UVRAG: variants seen among roughly 807,000 people sequenced by gnomAD.
UVRAG encodes the protein UV radiation resistance associated.
UVRAG carries 19 observed loss-of-function variants against 78.0 expected under a neutral mutation model. That is an observed-to-expected ratio of 0.24 (90% CI 0.17 to 0.36). The LOEUF is 0.36. UVRAG is among the 10% of genes least tolerant of loss of function. UVRAG has a pLI of 1.00. For synonymous variants in UVRAG, 323 were observed against 324.6 expected (o/e 1.00, Z 0.05); for missense variants, 740 against 853.8 (o/e 0.87, Z 1.66).
chr11:76,111,932 GAAAAAAAAAATCCAGAGGGTAAAGTGA>G (rs1952075203), intron 13 of UVRAG, among the ~76,000 whole-genome samples: 2 of 127,050 alleles, frequency 1.6e-5, no homozygotes, highest in Non-Finnish European at 3.4e-5. Flanking sequence ...AAAATAAAGT[GAAAAAAAAAATCCAGAGGGTAAAGTGA>G]AAAAAAAAAA....
chr11:75,900,587 CT>C (rs1947471634), intron 5 of UVRAG, among the ~76,000 whole-genome samples: 1 of 152,162 alleles, frequency 6.6e-6, no homozygotes, highest in Non-Finnish European at 1.5e-5. Flanking sequence ...TGAATGAAGT[CT>C]ACTAGGATCA....
intron 12 of UVRAG, among the ~76,000 whole-genome samples, chr11:76,041,224 G>A (rs1950643489): frequency 1.3e-5 from 2 of 152,246 alleles, no homozygotes; most frequent in Admixed American, 6.5e-5. Context: ...GGACAAGATC[G>A]TACGCAATTG....
intron 12 of UVRAG, among the ~76,000 whole-genome samples, chr11:76,053,483 C>T (rs529066614): frequency 6.6e-6 from 1 of 152,012 alleles, no homozygotes; most frequent in Non-Finnish European, 1.5e-5. Context: ...ACAATCAATC[C>T]ATCACAAAAT....
intron 1 of UVRAG, among the ~76,000 whole-genome samples, chr11:75,817,931 A>C (rs1280793519): frequency 6.6e-6 from 1 of 151,218 alleles, no homozygotes; most frequent in South Asian, 2.1e-4. Context: ...GTGGTGGCGC[A>C]CATTTGTAAT....
chr11:76,074,055 A>G (rs531081372), intron 13 of UVRAG, among the ~76,000 whole-genome samples: 1 of 152,330 alleles, frequency 6.6e-6, no homozygotes, highest in East Asian at 1.9e-4. Flanking sequence ...TTCATTAAAA[A>G]TATTATTTAT....
chr11:76,098,037 G>A (rs948291341), intron 13 of UVRAG, among the ~76,000 whole-genome samples: 13 of 151,146 alleles, frequency 8.6e-5, no homozygotes, highest in Admixed American at 4.0e-4. Flanking sequence ...CGTTCATCTC[G>A]GATGGTTTTT....
intron 13 of UVRAG, among the ~76,000 whole-genome samples, chr11:76,083,559 TAGA>T (rs1302619343): frequency 6.6e-6 from 1 of 152,154 alleles, no homozygotes; most frequent in African/African-American, 2.4e-5. Flanking sequence ...AAAGCCTAAT[TAGA>T]AGAGAAAGTG....
intron 5 of UVRAG, among the ~76,000 whole-genome samples, chr11:75,910,894 A>G (rs920484106): frequency 6.6e-6 from 1 of 152,114 alleles, no homozygotes; most frequent in Non-Finnish European, 1.5e-5. Context: ...CCTTTTCCCC[A>G]TAAAAACATT....
chr11:76,101,928 A>G (rs191949680), intron 13 of UVRAG, among the ~76,000 whole-genome samples: 4 of 152,222 alleles, frequency 2.6e-5, no homozygotes, highest in Non-Finnish European at 4.4e-5. Context: ...ATTCTATTCC[A>G]TTGGTCTATG....
chr11:76,017,819 A>G lies in UVRAG; in HGVS notation c.1226+839A>G, dbSNP rs567078686. Among the ~76,000 whole-genome samples the G allele has an allele frequency of 3.3e-5, 5 of 152,308 alleles. No homozygotes were observed. In the East Asian group the frequency reaches 5.8e-4, roughly 18 times the overall value. On this transcript the variant is annotated intron_variant, in intron 12 of 14. Transcript: ENST00000356136. ...ATTATTCAAAAGTACAGGCAAAATAAAGATATTTCAGACCATCAAAACTGA... is the reference window on the plus strand; with the variant it reads ...ATTATTCAAAAGTACAGGCAAAATAGAGATATTTCAGACCATCAAAACTGA...
In UVRAG at chr11:76,081,938, C is replaced by CAAAA. The variant is rs775703377; in HGVS notation, c.1305+16164_1305+16167dup. 7.6e-3 allele frequency among the ~76,000 whole-genome samples: 532 copies of CAAAA among 69,644 alleles called. 6 individuals are homozygous for CAAAA. The highest frequency in any genetic ancestry group is 0.021 in the African/African-American group (510 of 24,444). The allele number at this position is 69,644 out of a possible 152,430, so 45.7% of individuals were successfully genotyped here. On this transcript the variant is annotated intron_variant, in intron 13 of 14. Transcript: ENST00000356136. ...ATGATGTAGAGTAAAAGAACCAAAG[C>CAAAA]AAAAAAAAAAAAAAAAATCCACAAT...
intron 11 of UVRAG, among the ~76,000 whole-genome samples, chr11:76,012,748 G>A (rs1452453416): frequency 6.6e-6 from 1 of 151,346 alleles, no homozygotes; most frequent in Admixed American, 6.6e-5. Context: ...AGTGAAGGGT[G>A]TTCATCTGAG....
chr11:75,919,525 T>C (rs1010867830), intron 6 of UVRAG, among the ~76,000 whole-genome samples: 1 of 152,212 alleles, frequency 6.6e-6, no homozygotes, highest in African/African-American at 2.4e-5. Context: ...TAAATCATAT[T>C]AGCTACTGTC....
chr11:75,853,006 A>G (rs1946190432), intron 2 of UVRAG, among the ~76,000 whole-genome samples: 1 of 152,030 alleles, frequency 6.6e-6, no homozygotes, highest in Admixed American at 6.6e-5. Flanking sequence ...GACCTCACAG[A>G]CTCAAATGAT....
intron 8 of UVRAG, among the ~76,000 whole-genome samples, chr11:75,988,397 C>T (rs1487171749): frequency 6.6e-6 from 1 of 152,196 alleles, no homozygotes; most frequent in Non-Finnish European, 1.5e-5. Context: ...CTCTTTTTCA[C>T]TTAGCATAGT....
intron 9 of UVRAG, among the ~76,000 whole-genome samples, chr11:76,005,139 C>T (rs1302738434): frequency 1.3e-5 from 2 of 152,078 alleles, no homozygotes; most frequent in African/African-American, 4.8e-5. Flanking sequence ...GTCAGGAGAT[C>T]AAGACCATCC....
chr11:75,898,866 T>C (rs1450577466), intron 5 of UVRAG, among the ~76,000 whole-genome samples: 4 of 152,182 alleles, frequency 2.6e-5, no homozygotes, highest in Admixed American at 1.3e-4. Flanking sequence ...TAGGTGGTTA[T>C]TTCCTCTTGC....
At chr11:76,133,299 C>T (rs1952544155) in intron 14 of UVRAG, among the ~76,000 whole-genome samples, 1 of 152,168 alleles carries the variant, frequency 6.6e-6, no homozygotes, top group Non-Finnish European at 1.5e-5. Context: ...GGTGCATCAT[C>T]AGTGTCTCGT....
chr11:75,847,286 C>T (rs1654489110), intron 1 of UVRAG, among the ~76,000 whole-genome samples: 1 of 151,698 alleles, frequency 6.6e-6, no homozygotes. Context: ...TGCCACCACG[C>T]CTGGCTAACT....
Sources: allele counts gnomAD v4.1 joint callset (sites outside exome capture counted in the v4.1 genomes callset), GRCh38; gene constraint gnomAD v4.1.1; transcripts MANE v1.5; gene names NCBI Gene and HGNC (gene_info 2026-07-23, HGNC 2026-07-21).